TCERG1L: variants seen among roughly 807,000 people sequenced by gnomAD.
TCERG1L encodes transcription elongation regulator 1 like.
In TCERG1L, 37 loss-of-function variants were observed where a neutral mutation model predicts 56.3. The ratio of observed to expected loss-of-function variants is 0.66; its 90% confidence interval spans 0.51 to 0.87. The LOEUF (loss-of-function observed/expected upper bound fraction) is 0.87. Among genes scored for constraint, TCERG1L ranks in the 40% least tolerant of loss-of-function variants. TCERG1L has a pLI of 0.00. For missense variants in TCERG1L, 799 were observed against 774.2 expected, an observed-to-expected ratio of 1.03 and a Z score of -0.38; for synonymous variants, 324 against 326.3, an observed-to-expected ratio of 0.99 and a Z score of 0.08.
intron 4 of TCERG1L, among the ~76,000 whole-genome samples, chr10:131,206,829 G>T (rs892827905): frequency 1.3e-5 from 2 of 152,154 alleles, no homozygotes; most frequent in Non-Finnish European, 2.9e-5. Context: ...AGGAGAGGGT[G>T]GGGTGCGTCC....
intron 4 of TCERG1L, among the ~76,000 whole-genome samples, chr10:131,194,693 G>A (rs998734443): frequency 1.6e-4 from 25 of 152,090 alleles, no homozygotes; most frequent in East Asian, 1.9e-4. Context: ...TTGTTTGCAC[G>A]TGGAATTTAT....
intron 4 of TCERG1L, among the ~76,000 whole-genome samples, chr10:131,259,053 T>C (rs772462623): frequency 2.6e-5 from 4 of 152,210 alleles, no homozygotes; most frequent in Non-Finnish European, 5.9e-5. Context: ...CATGCTGACA[T>C]AGAAATACAA....
intron 4 of TCERG1L, among the ~76,000 whole-genome samples, chr10:131,232,838 C>T (rs904046671): frequency 6.6e-6 from 1 of 152,200 alleles, no homozygotes; most frequent in Admixed American, 6.5e-5. Context: ...TCCCCCCAAC[C>T]CCACCTGTTT....
chr10:131,102,993 T>G (rs997873240), intron 10 of TCERG1L, among the ~76,000 whole-genome samples: 1 of 151,988 alleles, frequency 6.6e-6, no homozygotes, highest in Non-Finnish European at 1.5e-5. Context: ...CTCCTTAAAA[T>G]AGTCCCCGGA....
At chr10:131,255,076 C>T (rs992836328) in intron 4 of TCERG1L, among the ~76,000 whole-genome samples, 2 of 152,094 alleles carry the variant, frequency 1.3e-5, no homozygotes, top group Non-Finnish European at 2.9e-5. Flanking sequence ...AGAGATGCCC[C>T]GGGCAGAACA....
At chr10:131,115,093 T>A (rs1195633727) in intron 9 of TCERG1L, among the ~76,000 whole-genome samples, 1 of 152,254 alleles carries the variant, frequency 6.6e-6, no homozygotes, top group Non-Finnish European at 1.5e-5. Context: ...GGCAGGGCTC[T>A]CCTAGAAGGT....
Position 131,311,354 on chromosome 10 carries a change from GGGCAGC to G in TCERG1L, c.276_281del (p.Leu93_Pro94del). On this transcript the variant is annotated inframe_deletion, in exon 1 of 12. Coordinates refer to ENST00000368642, the MANE Select transcript of TCERG1L (RefSeq NM_174937.4). The surrounding 1 kb of genome is among the most constrained non-coding windows in gnomAD (Gnocchi z 4.0). ...CGGCGGCGGCGGAGTCTGGCGCAGA[GGGCAGC>G]GGCAGCAGCGGGAGCACCGGCTCGC... The G allele has an allele frequency of 8.3e-7, 1 of 1,200,858 alleles. No homozygotes were observed. Among genetic ancestry groups the G allele is most frequent in the Non-Finnish European group, 1.0e-6 (1 of 969,546 alleles). The allele number at this position is 1,200,858 out of a possible 1,614,324, so 74.4% of individuals were successfully genotyped here. A position where few individuals can be genotyped will look rare whatever the true frequency, so the allele number is the denominator to read the frequency against.
At chr10:131,265,565 G>A (rs1293992285) in intron 3 of TCERG1L, among the ~76,000 whole-genome samples, 6 of 152,314 alleles carry the variant, frequency 3.9e-5, no homozygotes, top group Non-Finnish European at 5.9e-5. Context: ...CAGAGATAAC[G>A]TGGGTTCAGT....
In TCERG1L at chr10:131,166,843, A is replaced by G; in HGVS notation, c.899T>C (p.Leu300Pro). The G allele has an allele frequency of 6.2e-7, 1 of 1,613,666 alleles. No homozygotes were observed. The highest frequency in any genetic ancestry group is 8.5e-7 in the Non-Finnish European group (1 of 1,179,876). The change falls in exon 5 of 12, where the codon CTG becomes CCG. Residue 300 changes from leucine to proline, a missense_variant. Physicochemically the swap from Leu to Pro is moderately conservative, Grantham distance 98. Transcript: ENST00000368642. ...ERGRVARPPA[L>P]MLRAQKSRDG... ...CCGGCTCTTCTGGGCCCGCAGCATC[A>G]GGGCAGGAGGGCGGGCCACTCGGCC...
chr10:131,211,115 A>AT, intron 4 of TCERG1L, among the ~76,000 whole-genome samples: 1 of 152,334 alleles, frequency 6.6e-6, no homozygotes, highest in Admixed American at 6.5e-5. Context: ...TGGGGACAGC[A>AT]GCAAAGGGGT....
intron 4 of TCERG1L, among the ~76,000 whole-genome samples, chr10:131,240,891 C>T (rs1845964527): frequency 6.6e-6 from 1 of 152,180 alleles, no homozygotes; most frequent in Non-Finnish European, 1.5e-5. Context: ...CGTGCAGGTC[C>T]CCTGCGAGGG....
At chr10:131,135,323 C>T (rs989233857) in intron 7 of TCERG1L, among the ~76,000 whole-genome samples, 5 of 152,288 alleles carry the variant, frequency 3.3e-5, no homozygotes, top group Middle Eastern at 3.4e-3. Flanking sequence ...CTTGGGCCAC[C>T]TTCCCAGTGA....
rs914946935 is a variant in TCERG1L, at chr10:131,093,432, G to C, written c.1605-114C>G. On this transcript the variant is annotated intron_variant, in intron 11 of 11. Coordinates refer to ENST00000368642, the MANE Select transcript of TCERG1L (RefSeq NM_174937.4). ...TCCAGCCCTTCCACCAGGCCTGGCCGTGGGTGGCAGGGCACCCGGTGGGTG... is the reference window on the plus strand; with the variant it reads ...TCCAGCCCTTCCACCAGGCCTGGCCCTGGGTGGCAGGGCACCCGGTGGGTG... The C allele has an allele frequency of 3.8e-6, 5 of 1,312,814 alleles. No homozygotes were observed. In the South Asian group the frequency reaches 4.2e-5, roughly 11 times the overall value. 81.3% of individuals were successfully genotyped at this position (1,312,814 alleles called of 1,614,324 possible).
At chr10:131,109,860 A>G (rs1845393082) in intron 9 of TCERG1L, among the ~76,000 whole-genome samples, 2 of 152,242 alleles carry the variant, frequency 1.3e-5, no homozygotes, top group Admixed American at 1.3e-4. Context: ...GCTGGTTGTT[A>G]GAAACGCAGG....
At chr10:131,217,473 C>G (rs2078349370) in intron 4 of TCERG1L, among the ~76,000 whole-genome samples, 2 of 152,148 alleles carry the variant, frequency 1.3e-5, no homozygotes, top group African/African-American at 4.8e-5. Flanking sequence ...AGAACAGACT[C>G]ATACAAAGGG....
chr10:131,298,575 G>A (rs929811189), intron 3 of TCERG1L, among the ~76,000 whole-genome samples: 8 of 152,024 alleles, frequency 5.3e-5, no homozygotes, highest in Non-Finnish European at 7.4e-5. Context: ...CACCACACCC[G>A]GCTAATTTTT....
At chr10:131,282,035 C>T (rs1846462314) in intron 3 of TCERG1L, among the ~76,000 whole-genome samples, 1 of 148,710 alleles carries the variant, frequency 6.7e-6, no homozygotes, top group African/African-American at 2.5e-5. Flanking sequence ...ACTCGGGAGG[C>T]TGAGGCAGGA....
At chr10:131,198,970 G>C (rs1845397127) in intron 4 of TCERG1L, among the ~76,000 whole-genome samples, 1 of 152,328 alleles carries the variant, frequency 6.6e-6, no homozygotes, top group Admixed American at 6.5e-5. Context: ...GCCACAGCTG[G>C]GGCGGCTGAT....
At chr10:131,190,268 T>C (rs922696857) in intron 4 of TCERG1L, among the ~76,000 whole-genome samples, 1 of 103,574 alleles carries the variant, frequency 9.7e-6, no homozygotes, top group Non-Finnish European at 2.2e-5. Context: ...AGCAGTGAGA[T>C]AGAATCAGTA....
Sources: gnomAD v4.1 joint callset for allele counts (sites outside exome capture counted in the v4.1 genomes callset) on GRCh38, gnomAD v4.1.1 for gene constraint, Gnocchi (gnomAD v3.1) non-coding constraint, MANE v1.5 for transcripts, NCBI Gene and HGNC (gene_info 2026-07-23, HGNC 2026-07-21) for gene names.